The following GSE1 variants were observed in gnomAD, a reference collection of about 807,000 sequenced individuals.
The protein encoded by GSE1 is Gse1 coiled-coil protein, also known as genetic suppressor element 1.
In GSE1, 32 loss-of-function variants were observed where a neutral mutation model predicts 112.6. The ratio of observed to expected loss-of-function variants is 0.28; its 90% CI spans 0.21 to 0.38. The LOEUF (loss-of-function observed/expected upper bound fraction) is 0.38, where lower values mean the gene tolerates loss of function less well. Ranked by LOEUF, GSE1 falls within the 10% of genes least tolerant of loss-of-function variation. The pLI, the probability that GSE1 is intolerant of heterozygous loss-of-function variation, is 1.00. For missense variants in GSE1, 2,348 were observed against 1,699.2 expected, an observed-to-expected ratio of 1.38 and a Z score of -6.71; for synonymous variants, 1,115 against 735.6, an observed-to-expected ratio of 1.52 and a Z score of -8.35.
intron 2 of GSE1, among the ~76,000 whole-genome samples, chr16:85,530,334 G>A (rs2044097059): frequency 1.3e-5 from 2 of 152,222 alleles, no homozygotes; most frequent in Admixed American, 1.3e-4. Context: ...GAGCAAGGGC[G>A]CGAATGTATC....
intron 2 of GSE1, among the ~76,000 whole-genome samples, chr16:85,524,398 C>A (rs546339667): frequency 2.0e-5 from 3 of 152,072 alleles, no homozygotes; most frequent in Non-Finnish European, 2.9e-5. Context: ...GGGCTGCCTG[C>A]GAAGCTCAGA....
In GSE1 at chr16:85,663,106, C is replaced by G. The variant is rs1211288177; in HGVS notation, c.2373+13C>G. 2 of 1,550,582 alleles carry G rather than the reference C, an allele frequency of 1.3e-6. No individual in the cohort carries two copies. The highest frequency in any genetic ancestry group is 1.7e-5 in the Admixed American group (1 of 59,924). ...CACGTCCTCTGAGGTACTGGGCTCT[C>G]CTCCCCACGGACATGCTCTGGGCTG... On this transcript the variant is annotated intron_variant, in intron 10 of 15. Coordinates refer to ENST00000253458, the MANE Select transcript of GSE1 (RefSeq NM_014615.5).
intron 1 of GSE1, among the ~76,000 whole-genome samples, chr16:85,219,673 C>G (rs1267086363): frequency 6.6e-6 from 1 of 152,258 alleles, no homozygotes; most frequent in South Asian, 2.1e-4. Context: ...TCCTCTGCCT[C>G]CGTGCACCTG....
intron 1 of GSE1, among the ~76,000 whole-genome samples, chr16:85,324,726 C>T (rs949990076): frequency 1.3e-5 from 2 of 152,014 alleles, no homozygotes; most frequent in Non-Finnish European, 1.5e-5. Context: ...CTGCGCCATC[C>T]GTGACATGTC....
At chr16:85,555,227 G>A, upstream of GSE1, 1 of 985,412 alleles carries the variant, frequency 1.0e-6, no homozygotes, top group Non-Finnish European at 1.2e-6. Flanking sequence ...ATTCTTGCAT[G>A]AAAATTGATC....
At chr16:85,328,199 A>G (rs952461229) in intron 1 of GSE1, among the ~76,000 whole-genome samples, 9 of 152,220 alleles carry the variant, frequency 5.9e-5, no homozygotes, top group Non-Finnish European at 1.0e-4. Flanking sequence ...TTGGGGGGCC[A>G]GGCCTGGCAG....
intron 2 of GSE1, among the ~76,000 whole-genome samples, chr16:85,468,008 G>T (rs2050173520): frequency 6.6e-6 from 1 of 152,138 alleles, no homozygotes; most frequent in Admixed American, 6.5e-5. Context: ...GCCTTCTCTC[G>T]AGCCAGTGAG....
chr16:85,354,552 G>T (rs1015162443), intron 1 of GSE1, among the ~76,000 whole-genome samples: 4 of 152,222 alleles, frequency 2.6e-5, no homozygotes, highest in African/African-American at 9.6e-5. Context: ...TCCACCCCAG[G>T]AGGGGCCTCT....
At chr16:85,635,300 G>A (rs528097603) in intron 2 of GSE1, among the ~76,000 whole-genome samples, 1 of 151,190 alleles carries the variant, frequency 6.6e-6, no homozygotes, top group Non-Finnish European at 1.5e-5. Flanking sequence ...ACCACCAGGG[G>A]GCAGCCCCTC....
chr16:85,627,442 T>G (rs922980027), intron 1 of GSE1, among the ~76,000 whole-genome samples: 1 of 151,110 alleles, frequency 6.6e-6, no homozygotes, highest in African/African-American at 2.4e-5. Flanking sequence ...AGTTTGAGGG[T>G]GCCCAGGGCC....
At chr16:85,598,606 G>T (rs1038281649) in intron 1 of GSE1, among the ~76,000 whole-genome samples, 10 of 152,246 alleles carry the variant, frequency 6.6e-5, no homozygotes, top group African/African-American at 2.2e-4. Flanking sequence ...AGCCACCAAG[G>T]AGCATTGCAG....
At chr16:85,189,153 T>C (rs1179242475) in intron 1 of GSE1, among the ~76,000 whole-genome samples, 1 of 152,248 alleles carries the variant, frequency 6.6e-6, no homozygotes, top group Admixed American at 6.5e-5. Context: ...ATTTTCCTGC[T>C]CCGGGGAGCC....
chr16:85,649,268 C>G (rs1463525992), intron 3 of GSE1, among the ~76,000 whole-genome samples: 1 of 152,124 alleles, frequency 6.6e-6, no homozygotes, highest in Non-Finnish European at 1.5e-5. Flanking sequence ...GGCATCAGGG[C>G]TCTAACACGG....
intron 1 of GSE1, among the ~76,000 whole-genome samples, chr16:85,182,395 C>T (rs1014588075): frequency 6.6e-5 from 10 of 152,210 alleles, no homozygotes; most frequent in Admixed American, 5.2e-4. Flanking sequence ...ACGTGTGAGC[C>T]CCATGGTGAA....
intron 2 of GSE1, among the ~76,000 whole-genome samples, chr16:85,637,559 G>T (rs2050106358): frequency 1.3e-5 from 2 of 152,182 alleles, no homozygotes; most frequent in African/African-American, 4.8e-5. Context: ...CAGTGGCTGT[G>T]TATCGAGCGC....
At chr16:85,266,272 A>C (rs979546085) in intron 1 of GSE1, among the ~76,000 whole-genome samples, 1 of 152,146 alleles carries the variant, frequency 6.6e-6, no homozygotes, top group African/African-American at 2.4e-5. Flanking sequence ...CTCTCTAGGA[A>C]AACTCTAGCA....
chr16:85,390,963 C>T (rs961972280), intron 2 of GSE1, among the ~76,000 whole-genome samples: 2 of 152,230 alleles, frequency 1.3e-5, no homozygotes, highest in Non-Finnish European at 2.9e-5. Context: ...GAACTGATAG[C>T]GGTCCACTTT....
chr16:85,338,707 C>T (rs973412807), intron 1 of GSE1, among the ~76,000 whole-genome samples: 8 of 152,258 alleles, frequency 5.3e-5, no homozygotes, highest in Middle Eastern at 3.4e-3. Context: ...CACTTTTTTC[C>T]CCCTGTGAGG....
rs907680264 is a variant in GSE1, at chr16:85,676,108, G to A, written c.*3569G>A. On this transcript the variant is annotated 3_prime_UTR_variant, in exon 16 of 16. Coordinates refer to ENST00000253458, the MANE Select transcript of GSE1 (RefSeq NM_014615.5). ...TGTACTTGTTTGAATTAATTGTATT[G>A]TAATATTATTTGTTGAATGTAGTAA... 2.0e-5 allele frequency: 3 copies of A among 152,556 alleles called. No homozygotes were observed. 9.5% of individuals were successfully genotyped at this position (152,556 alleles called of 1,614,324 possible).
Sources: gnomAD v4.1 joint callset for allele counts (sites outside exome capture counted in the v4.1 genomes callset) on GRCh38, gnomAD v4.1.1 for gene constraint, MANE v1.5 for transcripts, NCBI Gene and HGNC (gene_info 2026-07-23, HGNC 2026-07-21) for gene names.